The following CAST variants were observed in gnomAD, a reference collection of about 807,000 sequenced individuals.
CAST encodes the protein MIR583 host.
In CAST, 76 loss-of-function variants were observed where a neutral mutation model predicts 119.6. The ratio of observed to expected loss-of-function variants is 0.64; its 90% CI spans 0.53 to 0.77. The LOEUF (loss-of-function observed/expected upper bound fraction) is 0.77, where lower values mean the gene tolerates loss of function less well. CAST is among the 30% of genes least tolerant of loss of function. CAST has a pLI of 0.00. For missense variants in CAST, 953 were observed against 946.5 expected, an observed-to-expected ratio of 1.01 and a Z score of -0.09; for synonymous variants, 319 against 331.6, an observed-to-expected ratio of 0.96 and a Z score of 0.41.
At chr5:96,065,057 T>C in the CAST span, among the ~76,000 whole-genome samples, 2 of 152,166 alleles carry the variant, frequency 1.3e-5, no homozygotes, top group Non-Finnish European at 2.9e-5. Flanking sequence ...CTGGTACTTG[T>C]TATTCCTGTT....
At chr5:96,551,582 T>C (rs1014930495) in intron 1 of CAST, among the ~76,000 whole-genome samples, 5 of 152,020 alleles carry the variant, frequency 3.3e-5, no homozygotes, top group African/African-American at 1.2e-4. Flanking sequence ...TAACCTTAAA[T>C]GTAAATGGGC....
the CAST span, among the ~76,000 whole-genome samples, chr5:96,164,784 A>G: frequency 3.1e-3 from 479 of 152,350 alleles, 1 homozygote; most frequent in Non-Finnish European, 3.8e-3. Context: ...CCAAGAATGC[A>G]AATAAATGCC....
chr5:96,760,262 A>G (rs576391511), intron 24 of CAST, among the ~76,000 whole-genome samples: 2 of 152,154 alleles, frequency 1.3e-5, no homozygotes, highest in Admixed American at 6.5e-5. Context: ...ATTTGCCATT[A>G]TAAGTATTGA....
chr5:96,417,080 A>G, the CAST span, among the ~76,000 whole-genome samples: 1 of 152,218 alleles, frequency 6.6e-6, no homozygotes, highest in Non-Finnish European at 1.5e-5. Flanking sequence ...AGAGTGAAAG[A>G]GAGGAAGGGT....
At chr5:96,104,060 C>T in the CAST span, among the ~76,000 whole-genome samples, 42 of 152,126 alleles carry the variant, frequency 2.8e-4, no homozygotes, top group East Asian at 1.7e-3. Context: ...TCATGTCCTT[C>T]GCCCACTTTT....
chr5:96,292,251 G>A, the CAST span, among the ~76,000 whole-genome samples: 13 of 152,076 alleles, frequency 8.5e-5, no homozygotes, highest in Admixed American at 2.6e-4. Context: ...ACAGAGCTTC[G>A]AGACTTCTGT....
chr5:96,329,317 T>C, the CAST span, among the ~76,000 whole-genome samples: 1 of 152,238 alleles, frequency 6.6e-6, no homozygotes, highest in Non-Finnish European at 1.5e-5. Context: ...TTACTTCTCT[T>C]AATATTTTGA....
the CAST span, among the ~76,000 whole-genome samples, chr5:96,017,785 A>G: frequency 6.6e-6 from 1 of 152,198 alleles, no homozygotes; most frequent in Non-Finnish European, 1.5e-5. Context: ...GTTGCTAAGG[A>G]TTAAGAAATT....
chr5:96,410,586 TG>T, the CAST span, among the ~76,000 whole-genome samples: 8 of 152,108 alleles, frequency 5.3e-5, no homozygotes, highest in South Asian at 1.5e-3. Context: ...TTGGCAGAAG[TG>T]TCATTATCCC....
At chr5:96,472,686 T>C in the CAST span, among the ~76,000 whole-genome samples, 1 of 152,160 alleles carries the variant, frequency 6.6e-6, no homozygotes, top group Admixed American at 6.5e-5. Flanking sequence ...ATCTACCCCA[T>C]GTAATGGCTT....
the CAST span, among the ~76,000 whole-genome samples, chr5:96,250,795 C>G: frequency 6.6e-6 from 1 of 151,826 alleles, no homozygotes; most frequent in East Asian, 1.9e-4. Flanking sequence ...AGAAGAAAAC[C>G]CTGAAGAGTA....
At chr5:96,344,176 C>T in the CAST span, among the ~76,000 whole-genome samples, 11 of 151,600 alleles carry the variant, frequency 7.3e-5, no homozygotes, top group South Asian at 6.3e-4. Flanking sequence ...AGGCTAGTAC[C>T]GCAAGCCCTA....
At chr5:96,216,478 C>T in the CAST span, among the ~76,000 whole-genome samples, 1 of 152,122 alleles carries the variant, frequency 6.6e-6, no homozygotes, top group South Asian at 2.1e-4. Flanking sequence ...GAAACCATGT[C>T]AATGAACTTC....
chr5:95,988,868 A>G, the CAST span, among the ~76,000 whole-genome samples: 1 of 152,210 alleles, frequency 6.6e-6, no homozygotes, highest in Non-Finnish European at 1.5e-5. Context: ...TCATCAGCAA[A>G]CAGATGATAT....
the CAST span, among the ~76,000 whole-genome samples, chr5:96,509,888 T>C: frequency 2.6e-5 from 4 of 152,364 alleles, no homozygotes; most frequent in Admixed American, 1.3e-4. Flanking sequence ...AACAAAGAGA[T>C]GCTAACAATG....
chr5:96,503,401 C>A, the CAST span, among the ~76,000 whole-genome samples: 1 of 152,132 alleles, frequency 6.6e-6, no homozygotes, highest in African/African-American at 2.4e-5. Context: ...TGCCTTAAAC[C>A]TCCCTTTTTT....
rs755417215 is a variant in CAST, at chr5:96,770,502, A to G, written c.2269-29A>G. ...ATTGCTAGATGGATTGGTGATAGCC[A>G]TAGCCTCATTACATTTCCTTTGCTT... is the stretch of plus-strand genomic sequence containing the variant. On this transcript the variant is annotated intron_variant, in intron 29 of 31. Transcript: ENST00000675179. 2.1e-5 allele frequency: 31 copies of G among 1,507,164 alleles called. No homozygotes were observed. In the Admixed American group the frequency reaches 4.7e-4, roughly 23 times the overall value. The allele number at this position is 1,507,164 out of a possible 1,614,324, so 93.4% of individuals were successfully genotyped here.
At chr5:96,263,752 G>A in the CAST span, among the ~76,000 whole-genome samples, 1 of 152,148 alleles carries the variant, frequency 6.6e-6, no homozygotes, top group African/African-American at 2.4e-5. Context: ...AGGTTTAATT[G>A]ACCTACAGTT....
intron 1 of CAST, among the ~76,000 whole-genome samples, chr5:96,651,710 A>G (rs1415570512): frequency 3.3e-5 from 5 of 152,162 alleles, no homozygotes; most frequent in African/African-American, 1.2e-4. Context: ...TTCTGTCCGT[A>G]TCTCCCCAGC....
Sources: gnomAD v4.1 joint callset for allele counts (sites outside exome capture counted in the v4.1 genomes callset) on GRCh38, gnomAD v4.1.1 for gene constraint, MANE v1.5 for transcripts, NCBI Gene and HGNC (gene_info 2026-07-23, HGNC 2026-07-21) for gene names.